Variants in NPHP4 observed in about 807,000 individuals in gnomAD.
NPHP4 encodes the protein nephrocystin-4.
Under a neutral mutation model 155.8 loss-of-function variants are expected in NPHP4, and 151 were observed. That is an observed-to-expected ratio of 0.97 (90% confidence interval 0.85 to 1.11). NPHP4 has a LOEUF of 1.11. NPHP4 is among the 50% of genes least tolerant of loss of function. The pLI, the probability that NPHP4 is intolerant of heterozygous loss-of-function variation, is 0.00. For missense variants in NPHP4, 1,956 were observed against 1,925.7 expected, an observed-to-expected ratio of 1.02 and a Z score of -0.29; for synonymous variants, 845 against 816.8, an observed-to-expected ratio of 1.03 and a Z score of -0.59.
In NPHP4 at chr1:5,877,271, A is replaced by C; in HGVS notation, c.2639T>G (p.Leu880Arg). The change falls in exon 20 of 30, where the codon CTG becomes CGG. Residue 880 changes from leucine (L) to arginine (R), a missense_variant. By Grantham distance (102) the Leu-to-Arg change is moderately radical. Transcript: ENST00000378156. ...RRKHVVQAQKLADVDSELAAM... is the reference protein window; with the variant it reads ...RRKHVVQAQKRADVDSELAAM... ...AGCCAGCTCACTGTCCACGTCCGCC[A>C]GCTTCTGTGCTTGCACCACGTGTTT... The C allele has an allele frequency of 6.2e-7, 1 of 1,602,486 alleles. No homozygotes were observed. The highest frequency in any genetic ancestry group is 8.5e-7 in the Non-Finnish European group (1 of 1,171,192).
chr1:5,941,426 CT>C (rs1359304601), intron 9 of NPHP4, among the ~76,000 whole-genome samples: 1 of 150,316 alleles, frequency 6.7e-6, no homozygotes, highest in Non-Finnish European at 1.5e-5. Flanking sequence ...AAAGAAAGAA[CT>C]TATATATCTG....
At chr1:5,951,254 T>C (rs1243966990) in intron 7 of NPHP4, among the ~76,000 whole-genome samples, 1 of 152,168 alleles carries the variant, frequency 6.6e-6, no homozygotes, top group Non-Finnish European at 1.5e-5. Context: ...TGTCGCGCAG[T>C]CACACAATTG....
chr1:5,877,395 AGG>A, intron 19 of NPHP4, 97 bp from the exon 20 acceptor site: 1 of 939,162 alleles, frequency 1.1e-6, no homozygotes, highest in Non-Finnish European at 1.6e-6. Flanking sequence ...CTATATAGGG[AGG>A]GAGCTCAAGA....
chr1:5,866,473 TGCA>T lies in NPHP4; in HGVS notation c.3559-18_3559-16del. ...TCCCCGGGGCCCTGCCAACCAGATG[TGCA>T]GCACATCAGGGCACACAGTGCTCTG... On this transcript the variant is annotated splice_polypyrimidine_tract_variant and intron_variant, in intron 25 of 29. Coordinates refer to ENST00000378156, the MANE Select transcript of NPHP4 (RefSeq NM_015102.5). 6.6e-7 allele frequency: 1 copy of T among 1,522,940 alleles called. No individual in the cohort carries two copies. Among genetic ancestry groups the T allele is most frequent in the Non-Finnish European group, 9.0e-7 (1 of 1,107,278 alleles). 94.3% of individuals were successfully genotyped at this position (1,522,940 alleles called of 1,614,324 possible).
Position 5,910,654 on chromosome 1 carries a change from G to A in NPHP4, c.1442-1441C>T, listed in dbSNP as rs188917294. ...GATAGAGACTGCTCAGCCACTTCGT[G>A]TTCCGCTCTGAATCCCAAAAAAACA... On this transcript the variant is annotated intron_variant, in intron 11 of 29. Coordinates refer to ENST00000378156, the MANE Select transcript of NPHP4 (RefSeq NM_015102.5). This position sits in a 1 kb window ranked among gnomAD's most constrained non-coding sequence, Gnocchi z 5.4. Among the ~76,000 whole-genome samples, 97 of 152,324 alleles carry A rather than the reference G, an allele frequency of 6.4e-4. No homozygotes were observed. The highest frequency in any genetic ancestry group is 2.3e-3 in the African/African-American group (94 of 41,560).
intron 23 of NPHP4, among the ~76,000 whole-genome samples, chr1:5,869,311 A>C (rs1293636918): frequency 2.1e-5 from 3 of 142,642 alleles, no homozygotes; most frequent in African/African-American, 7.9e-5. Flanking sequence ...AAATACAAAC[A>C]TGGATGCACA....
rs1267275785 is a variant in NPHP4 at position 5,907,302 on chromosome 1, AC to A, written c.1504-81del. 57 of 879,064 alleles carry A rather than the reference AC, an allele frequency of 6.5e-5. No homozygotes were observed. The South Asian group carries it at 1.0e-3, about 16-fold the overall frequency. The allele number at this position is 879,064 out of a possible 1,614,324, so 54.5% of individuals were successfully genotyped here. On this transcript the variant is annotated intron_variant, in intron 12 of 29. Transcript: ENST00000378156. ...AAAGCTCCCAACATGCACTGGCCAC[AC>A]CGGGGAACGGGGTAGCCCTGGATCC...
At chr1:5,962,733 A>G (rs1570658396) in intron 5 of NPHP4, among the ~76,000 whole-genome samples, 1 of 152,346 alleles carries the variant, frequency 6.6e-6, no homozygotes, top group African/African-American at 2.4e-5. Context: ...AGGAGGAAAA[A>G]GGGCATGAAG....
chr1:5,955,431 A>G (rs1648991665), intron 6 of NPHP4, among the ~76,000 whole-genome samples: 1 of 152,226 alleles, frequency 6.6e-6, no homozygotes, highest in South Asian at 2.1e-4. Context: ...AGATATCGCC[A>G]CTCCCATGTT....
At chr1:5,873,203 G>A (rs968941008) in intron 23 of NPHP4, 49 bp downstream of exon 23, 1 of 1,481,398 alleles carries the variant, frequency 6.8e-7, no homozygotes, top group Admixed American at 1.7e-5. Context: ...CAGGCCCTGG[G>A]AATACCCAGG....
chr1:5,863,167 G>C lies in NPHP4; in HGVS notation c.*98C>G, dbSNP rs1484733111. 1 of 1,365,990 alleles carries C rather than the reference G, an allele frequency of 7.3e-7. No individual in the cohort carries two copies. Among genetic ancestry groups the C allele is most frequent in the African/African-American group, 1.4e-5 (1 of 70,208 alleles). 84.6% of individuals were successfully genotyped at this position (1,365,990 alleles called of 1,614,324 possible). A position where few individuals can be genotyped will look rare whatever the true frequency, so the allele number is the denominator to read the frequency against. On this transcript the variant is annotated 3_prime_UTR_variant, in exon 30 of 30. Transcript: ENST00000378156. Reference sequence around the variant, plus strand: ...AGGTCAGCCAGGTGGGCACTGAAGTGAAAGGCTGCAGAGAGGCGGGGAGGA... The same window carrying C: ...AGGTCAGCCAGGTGGGCACTGAAGTCAAAGGCTGCAGAGAGGCGGGGAGGA...
chr1:5,873,221 GA>G, intron 23 of NPHP4, 30 bp downstream of exon 23: 1 of 1,573,008 alleles, frequency 6.4e-7, no homozygotes, highest in Middle Eastern at 1.7e-4. Flanking sequence ...AGGAAGCCCC[GA>G]GATCAGTTTG....
At chr1:5,887,796 G>T (rs1350523034) in intron 17 of NPHP4, among the ~76,000 whole-genome samples, 1 of 152,230 alleles carries the variant, frequency 6.6e-6, no homozygotes, top group African/African-American at 2.4e-5. Flanking sequence ...CCCCTCCACA[G>T]GAAGCAAGAG....
rs756177552 is a variant in NPHP4, at chr1:5,927,694, T to C, written c.1396A>G (p.Lys466Glu). ...TTCCTGGAAGGCCGCCGCTCCACTT[T>C]GGGGCCACTGACAGGCTCCGTGGGT... ...DAPTEPVSGP[K>E]VERRPSRKPP... The change falls in exon 11 of 30, where the codon AAA (lysine) becomes GAA (glutamate). Residue 466 changes from lysine (K) to glutamate (E), a missense_variant. Transcript: ENST00000378156. 1.2e-5 allele frequency: 19 copies of C among 1,613,182 alleles called. No individual in the cohort carries two copies. Among genetic ancestry groups the C allele is most frequent in the Non-Finnish European group, 1.5e-5 (18 of 1,179,360 alleles).
intron 18 of NPHP4, among the ~76,000 whole-genome samples, chr1:5,883,317 G>A (rs1048893709): frequency 3.3e-5 from 5 of 151,494 alleles, no homozygotes; most frequent in Admixed American, 6.6e-5. Context: ...CGATGTTCAC[G>A]CTCCGGGCCA....
chr1:5,898,911 C>T (rs542061047), intron 16 of NPHP4, among the ~76,000 whole-genome samples: 14 of 152,198 alleles, frequency 9.2e-5, no homozygotes, highest in South Asian at 6.2e-4. Flanking sequence ...GCCTCATGAA[C>T]GACGATACCC....
intron 11 of NPHP4, among the ~76,000 whole-genome samples, chr1:5,924,723 C>A (rs1322102053): frequency 6.6e-6 from 1 of 152,128 alleles, no homozygotes; most frequent in Non-Finnish European, 1.5e-5. Context: ...GGCGTAATCA[C>A]GGCTCACTGC....
chr1:5,988,542 C>T (rs1655808499), intron 1 of NPHP4, among the ~76,000 whole-genome samples: 1 of 152,154 alleles, frequency 6.6e-6, no homozygotes, highest in Non-Finnish European at 1.5e-5. Context: ...TTTAACATTT[C>T]TCAGTTTTAA....
chr1:5,923,213 G>A (rs1449337427), intron 11 of NPHP4, among the ~76,000 whole-genome samples: 1 of 152,198 alleles, frequency 6.6e-6, no homozygotes, highest in East Asian at 1.9e-4. Flanking sequence ...CAGCAGCCAA[G>A]AGACTATTAA....
Sources: allele counts gnomAD v4.1 joint callset (sites outside exome capture counted in the v4.1 genomes callset), GRCh38; gene constraint gnomAD v4.1.1; non-coding constraint Gnocchi (gnomAD v3.1); transcripts MANE v1.5; gene names NCBI Gene and HGNC (gene_info 2026-07-23, HGNC 2026-07-21).